The following NALF1 variants were observed in gnomAD, a reference collection of about 807,000 sequenced individuals.
NALF1 encodes NALCN channel auxiliary factor 1, also known as family with sequence similarity 155 member A.
In NALF1, 3 loss-of-function variants were observed where a neutral mutation model predicts 48.4. The ratio of observed to expected loss-of-function variants is 0.06; its 90% CI spans 0.03 to 0.16. The LOEUF is 0.16. Ranked by LOEUF, NALF1 falls within the 10% of genes least tolerant of loss-of-function variation. NALF1 has a pLI of 1.00. For missense variants in NALF1, 526 were observed against 571.5 expected (o/e 0.92, Z 0.81); for synonymous variants, 262 against 245.7 (o/e 1.07, Z -0.62).
intron 1 of NALF1, among the ~76,000 whole-genome samples, chr13:107,526,783 G>C (rs1176382450): frequency 6.6e-6 from 1 of 152,138 alleles, no homozygotes; most frequent in Non-Finnish European, 1.5e-5. Flanking sequence ...CTCAAAATCA[G>C]TGAAAATCTA....
intron 1 of NALF1, among the ~76,000 whole-genome samples, chr13:107,804,260 T>C (rs1288453162): frequency 6.6e-6 from 1 of 152,198 alleles, no homozygotes; most frequent in Non-Finnish European, 1.5e-5. Context: ...TGGTATGCTC[T>C]TTAGTCATTC....
chr13:107,586,471 A>G (rs1878459715), intron 1 of NALF1, among the ~76,000 whole-genome samples: 1 of 151,982 alleles, frequency 6.6e-6, no homozygotes, highest in Non-Finnish European at 1.5e-5. Context: ...TTAGAATACC[A>G]TTCTGTTATG....
At chr13:107,582,516 G>A (rs1256703693) in intron 1 of NALF1, among the ~76,000 whole-genome samples, 2 of 152,194 alleles carry the variant, frequency 1.3e-5, no homozygotes, top group Admixed American at 1.3e-4. Flanking sequence ...ATCAGGAAAT[G>A]TCAAAAATCA....
chr13:107,771,290 G>A (rs997594289), intron 1 of NALF1, among the ~76,000 whole-genome samples: 3 of 149,206 alleles, frequency 2.0e-5, no homozygotes, highest in Non-Finnish European at 4.4e-5. Context: ...CTTGAAATCC[G>A]CTTTCAAAAA....
At chr13:107,503,090 T>A (rs956234271) in intron 1 of NALF1, among the ~76,000 whole-genome samples, 2 of 152,176 alleles carry the variant, frequency 1.3e-5, no homozygotes, top group Admixed American at 6.6e-5. Flanking sequence ...GTGAATGGTG[T>A]TTGGTGAGGC....
intron 1 of NALF1, among the ~76,000 whole-genome samples, chr13:107,430,759 T>C (rs900914677): frequency 1.3e-5 from 2 of 152,198 alleles, no homozygotes; most frequent in Admixed American, 1.3e-4. Flanking sequence ...GCAGTAAACA[T>C]ACGTGTACAT....
chr13:107,722,450 C>G (rs1162132036), intron 1 of NALF1, among the ~76,000 whole-genome samples: 1 of 152,122 alleles, frequency 6.6e-6, no homozygotes, highest in East Asian at 1.9e-4. Context: ...TGAGGAGCCT[C>G]AGGTACTTCC....
chr13:107,324,006 G>C (rs1290473978), intron 1 of NALF1, among the ~76,000 whole-genome samples: 1 of 152,156 alleles, frequency 6.6e-6, no homozygotes, highest in East Asian at 1.9e-4. Context: ...CTATTCAGGA[G>C]GCTGAGGCAG....
chr13:107,388,206 C>T (rs1033163408), intron 1 of NALF1, among the ~76,000 whole-genome samples: 3 of 152,230 alleles, frequency 2.0e-5, no homozygotes, highest in African/African-American at 7.2e-5. Flanking sequence ...ATTTGAAATA[C>T]ACTCAAAAGA....
At chr13:107,623,278 G>A (rs1879576870) in intron 1 of NALF1, among the ~76,000 whole-genome samples, 1 of 152,070 alleles carries the variant, frequency 6.6e-6, no homozygotes, top group African/African-American at 2.4e-5. Flanking sequence ...TGACTTCTCT[G>A]TATAGCCTGA....
At chr13:107,222,484 T>C (rs1880015276) in intron 1 of NALF1, among the ~76,000 whole-genome samples, 1 of 152,232 alleles carries the variant, frequency 6.6e-6, no homozygotes, top group East Asian at 1.9e-4. Context: ...AAGGTTAGGA[T>C]AAAATTATAA....
chr13:107,376,319 CGATA>C (rs1232438797), intron 1 of NALF1, among the ~76,000 whole-genome samples: 4 of 152,058 alleles, frequency 2.6e-5, no homozygotes, highest in Admixed American at 6.6e-5. Flanking sequence ...TGTTGTGAAG[CGATA>C]GATAGGTGTG....
At chr13:107,410,493 G>C (rs1448322101) in intron 1 of NALF1, among the ~76,000 whole-genome samples, 1 of 152,140 alleles carries the variant, frequency 6.6e-6, no homozygotes, top group Non-Finnish European at 1.5e-5. Flanking sequence ...GGCATAAATT[G>C]TTATTTAGGA....
At chr13:107,518,127 G>A (rs1164962255) in intron 1 of NALF1, among the ~76,000 whole-genome samples, 1 of 152,160 alleles carries the variant, frequency 6.6e-6, no homozygotes, top group Non-Finnish European at 1.5e-5. Flanking sequence ...AGTCAAATAT[G>A]GGAGGATGGT....
chr13:107,474,834 T>C (rs532385094), intron 1 of NALF1, among the ~76,000 whole-genome samples: 2 of 152,332 alleles, frequency 1.3e-5, no homozygotes, highest in South Asian at 2.1e-4. Context: ...GGTTCTTTTG[T>C]ATACTCACAA....
chr13:107,572,095 A>G (rs1185488458), intron 1 of NALF1, among the ~76,000 whole-genome samples: 1 of 152,210 alleles, frequency 6.6e-6, no homozygotes, highest in Non-Finnish European at 1.5e-5. Context: ...ATTCACATTA[A>G]CATGATAATT....
intron 1 of NALF1, among the ~76,000 whole-genome samples, chr13:107,472,401 A>G (rs1438308583): frequency 6.6e-6 from 1 of 152,096 alleles, no homozygotes; most frequent in African/African-American, 2.4e-5. Context: ...TGTCAACTTG[A>G]TTGGATTGAA....
At chr13:107,184,638 CCTAG>C (rs1300816962) in intron 2 of NALF1, among the ~76,000 whole-genome samples, 1 of 152,118 alleles carries the variant, frequency 6.6e-6, no homozygotes, top group South Asian at 2.1e-4. Flanking sequence ...TTTCCTGCAT[CCTAG>C]CTAAATTCCG....
intron 1 of NALF1, among the ~76,000 whole-genome samples, chr13:107,614,020 C>T (rs2138435053): frequency 6.6e-6 from 1 of 152,238 alleles, no homozygotes; most frequent in South Asian, 2.1e-4. Context: ...ACTGACCTAG[C>T]TTTTCCAAGA....
Sources: allele counts gnomAD v4.1 joint callset (sites outside exome capture counted in the v4.1 genomes callset), GRCh38; gene constraint gnomAD v4.1.1; transcripts MANE v1.5; gene names NCBI Gene and HGNC (gene_info 2026-07-23, HGNC 2026-07-21).